Variants in HPS5 observed in about 807,000 individuals in gnomAD.
The protein encoded by HPS5 is HPS5 biogenesis of lysosomal organelles complex 2 subunit 2.
Under a neutral mutation model 128.0 loss-of-function variants are expected in HPS5, and 83 were observed. The ratio of observed to expected loss-of-function variants is 0.65; its 90% CI spans 0.54 to 0.78. HPS5 has a LOEUF of 0.78. Among genes scored for constraint, HPS5 ranks in the 30% least tolerant of loss-of-function variants. HPS5 has a pLI of 0.00. For synonymous variants in HPS5, 475 were observed against 470.2 expected (o/e 1.01, Z -0.13); for missense variants, 1,281 against 1,326.2 (o/e 0.97, Z 0.53).
At chr11:18,280,066 AC>A (rs1386145251) in intron 22 of HPS5, 124 bp from the exon 23 acceptor site, 3 of 926,576 alleles carry the variant, frequency 3.2e-6, no homozygotes, top group Non-Finnish European at 5.2e-6. Context: ...ATTAAAAGAC[AC>A]AATGCACAGA....
At chr11:18,284,287 T>C (rs148022801) in intron 20 of HPS5, among the ~76,000 whole-genome samples, 19 of 152,302 alleles carry the variant, frequency 1.2e-4, no homozygotes, top group African/African-American at 4.3e-4. Context: ...ACCTAGCATA[T>C]TTCTTCTCCA....
At position 18,306,258 on chromosome 11, in the gene HPS5, G is replaced by A. The variant is rs751480752; in HGVS notation, c.701C>T (p.Pro234Leu). The A allele has an allele frequency of 1.9e-6, 3 of 1,613,644 alleles. No homozygotes were observed. The highest frequency in any genetic ancestry group is 2.5e-6 in the Non-Finnish European group (3 of 1,179,570). ...FPGRCSGGQQ[P>L]LIYCARPGSR... ...GCCTGGGCGAGCACAATATATCAGA[G>A]GTTGCTGGCCCCCAGAACATCTTCC... Residue 234 changes from proline (P) to leucine (L), a missense_variant, in exon 7 of 23, where the codon CCT becomes CTT. Pro to Leu is a moderately conservative substitution (Grantham distance 98). Coordinates refer to ENST00000349215, the MANE Select transcript of HPS5 (RefSeq NM_181507.2).
In HPS5 at chr11:18,296,923, T is replaced by C; in HGVS notation, c.1385A>G (p.Gln462Arg). The change falls in exon 12 of 23, where the codon CAG becomes CGG. Residue 462 changes from glutamine (Q) to arginine (R), a missense_variant. Physicochemically the swap from Gln to Arg is conservative, Grantham distance 43 (BLOSUM62 1). Coordinates refer to ENST00000349215, the MANE Select transcript of HPS5 (RefSeq NM_181507.2). ...AAGGGAGCAAGAGTCTTCATCTGACTGACTGCCTCTTCTACTACTAATGAT... is the reference window on the plus strand; with the variant it reads ...AAGGGAGCAAGAGTCTTCATCTGACCGACTGCCTCTTCTACTACTAATGAT... ...YRIISSRRGS[Q>R]SDEDSCSLHS... 1 of 1,610,928 alleles carries C rather than the reference T, an allele frequency of 6.2e-7. No homozygotes were observed. The highest frequency in any genetic ancestry group is 8.5e-7 in the Non-Finnish European group (1 of 1,177,202).
At chr11:18,303,323 G>A (rs1210442426) in intron 8 of HPS5, among the ~76,000 whole-genome samples, 2 of 152,162 alleles carry the variant, frequency 1.3e-5, no homozygotes, top group East Asian at 3.8e-4. Context: ...TCATAATACA[G>A]TAAGACAGTG....
intron 8 of HPS5, among the ~76,000 whole-genome samples, chr11:18,303,732 G>A (rs1297853305): frequency 6.6e-6 from 1 of 151,884 alleles, no homozygotes; most frequent in Non-Finnish European, 1.5e-5. Context: ...GTGCGCCTGT[G>A]AGTCCCAGCT....
rs1405250440 is a variant in HPS5 at position 18,297,645 on chromosome 11, G to A, written c.1237C>T (p.Leu413=). ...SQLDHGTYND[L]ISQLEELILK... ...ATCAATTCTTCCAGTTGAGAAATTA[G>A]ATCATTGTAGGTGCCATGGTCCAGC... Residue 413 remains leucine (L), a synonymous_variant, in exon 11 of 23, where the codon CTA becomes TTA. Coordinates refer to ENST00000349215, the MANE Select transcript of HPS5 (RefSeq NM_181507.2). 1.9e-6 allele frequency: 3 copies of A among 1,613,738 alleles called. No individual in the cohort carries two copies. The highest frequency in any genetic ancestry group is 4.5e-5 in the East Asian group (2 of 44,882).
intron 6 of HPS5, among the ~76,000 whole-genome samples, chr11:18,306,934 G>A (rs370317038): frequency 2.6e-5 from 4 of 152,124 alleles, no homozygotes; most frequent in East Asian, 1.9e-4. Flanking sequence ...TAATGATGAG[G>A]GAGATGTCTC....
intron 8 of HPS5, among the ~76,000 whole-genome samples, chr11:18,302,822 C>CGGGG (rs1222065101): frequency 0.019 from 31 of 1,604 alleles, 1 homozygote; most frequent in African/African-American, 0.025. Context: ...AGAAAAAAAG[C>CGGGG]GGGGGGGGGG....
Position 18,292,985 on chromosome 11 carries a change from G to T in HPS5, c.1785-9C>A, listed in dbSNP as rs886048079. The stretch of plus-strand genomic sequence containing the variant: ...TTACCTCTTTTTCCTCCCTAAAAAA[G>T]TGTGCAAAATAACAATAACATTCAC... On this transcript the variant is annotated splice_polypyrimidine_tract_variant and intron_variant, in intron 14 of 22. Coordinates refer to ENST00000349215, the MANE Select transcript of HPS5 (RefSeq NM_181507.2). The T allele has an allele frequency of 1.9e-6, 3 of 1,611,016 alleles. No homozygotes were observed. The East Asian group carries it at 6.7e-5, about 36-fold the overall frequency.
chr11:18,288,019 A>G lies in HPS5; in HGVS notation c.2441-6T>C. On this transcript the variant is annotated splice_polypyrimidine_tract_variant and splice_region_variant and intron_variant, in intron 16 of 22. Transcript: ENST00000349215. ...AGGATTGGAACTTGCCATTTCTGAA[A>G]TATAAAGCATATCCTTTTCCAAACT... 6.2e-7 allele frequency: 1 copy of G among 1,613,542 alleles called. No individual in the cohort carries two copies. The highest frequency in any genetic ancestry group is 1.1e-5 in the South Asian group (1 of 91,074).
intron 5 of HPS5, among the ~76,000 whole-genome samples, chr11:18,310,280 T>C (rs1862820063): frequency 6.6e-6 from 1 of 152,140 alleles, no homozygotes; most frequent in Admixed American, 6.5e-5. Context: ...GTCTTCAAGA[T>C]TCCATTCAAA....
chr11:18,313,918 A>G (rs1283928533), intron 2 of HPS5, among the ~76,000 whole-genome samples: 1 of 151,642 alleles, frequency 6.6e-6, no homozygotes, highest in Admixed American at 6.6e-5. Context: ...GTCTCAAAAA[A>G]AAAAAAAAAG....
At chr11:18,303,907 C>T (rs1282624095) in intron 8 of HPS5, among the ~76,000 whole-genome samples, 1 of 149,992 alleles carries the variant, frequency 6.7e-6, no homozygotes, top group African/African-American at 2.4e-5. Context: ...CCGCACATCA[C>T]ATCATAGTCA....
At position 18,317,837 on chromosome 11, in the gene HPS5, G is replaced by T; in HGVS notation, c.22C>A (p.Pro8Thr). The change falls in exon 2 of 23, where the codon CCA becomes ACA. Residue 8 changes from proline to threonine, a missense_variant. Coordinates refer to ENST00000349215, the MANE Select transcript of HPS5 (RefSeq NM_181507.2). MAFVPVI[P>T]ESYSHVLAEF... ...GCAAGAACATGGCTGTAGGACTCTG[G>T]TATCACTGGCACAAAAGCCATTTAG... is the stretch of plus-strand genomic sequence containing the variant. 6.2e-7 allele frequency: 1 copy of T among 1,613,444 alleles called. No individual in the cohort carries two copies. The highest frequency in any genetic ancestry group is 1.1e-5 in the South Asian group (1 of 90,880).
At chr11:18,299,720 G>A (rs1861479690) in intron 9 of HPS5, among the ~76,000 whole-genome samples, 1 of 152,334 alleles carries the variant, frequency 6.6e-6, no homozygotes, top group South Asian at 2.1e-4. Context: ...CAAAATGGGA[G>A]TCAAAGTAAG....
At chr11:18,314,091 TG>T (rs1488848430) in intron 2 of HPS5, among the ~76,000 whole-genome samples, 1 of 152,156 alleles carries the variant, frequency 6.6e-6, no homozygotes, top group Non-Finnish European at 1.5e-5. Flanking sequence ...GGTACATGCC[TG>T]TAGTCCCAGC....
intron 12 of HPS5, 24 bp from the exon 13 acceptor site, chr11:18,296,146 A>G (rs1438124561): frequency 6.2e-7 from 1 of 1,611,066 alleles, no homozygotes; most frequent in Non-Finnish European, 8.5e-7. Context: ...TCAGGAAAAA[A>G]AGAAACAAAA....
At chr11:18,295,962 C>G (rs760924584) in intron 13 of HPS5, 37 bp downstream of exon 13, 4 of 1,593,980 alleles carry the variant, frequency 2.5e-6, no homozygotes, top group Non-Finnish European at 3.4e-6. Flanking sequence ...GAAATAAGAT[C>G]AGTAATGGAA....
In HPS5 at chr11:18,320,305, T is replaced by C. The variant is rs144739518; in HGVS notation, c.-50+1641A>G. 5.3e-3 allele frequency among the ~76,000 whole-genome samples: 811 copies of C among 152,292 alleles called. 9 individuals carry two copies. The highest frequency in any genetic ancestry group is 0.019 in the African/African-American group (785 of 41,576). ...TTTCAAGATCGCACATGAGCCCTAC[T>C]TCCTAGAATTCTCAAGATGGAAAAA... is the stretch of plus-strand genomic sequence containing the variant. On this transcript the variant is annotated intron_variant, in intron 1 of 22. Coordinates refer to ENST00000349215, the MANE Select transcript of HPS5 (RefSeq NM_181507.2).
Sources: allele counts gnomAD v4.1 joint callset (sites outside exome capture counted in the v4.1 genomes callset), GRCh38; gene constraint gnomAD v4.1.1; transcripts MANE v1.5; gene names NCBI Gene and HGNC (gene_info 2026-07-23, HGNC 2026-07-21).